PDZD2: variants seen among roughly 807,000 people sequenced by gnomAD.
PDZD2 encodes the protein PDZ domain-containing protein 2.
Under a neutral mutation model 220.7 loss-of-function variants are expected in PDZD2, and 90 were observed. The observed-to-expected ratio is 0.41, with a 90% CI of 0.34 to 0.49. PDZD2 has a LOEUF of 0.49. Among genes scored for constraint, PDZD2 ranks in the 20% least tolerant of loss-of-function variants. The pLI, the probability that PDZD2 is intolerant of heterozygous loss-of-function variation, is 0.28. For missense variants in PDZD2, 3,174 were observed against 3,608.5 expected, an observed-to-expected ratio of 0.88 and a Z score of 3.08; for synonymous variants, 1,375 against 1,450.5, an observed-to-expected ratio of 0.95 and a Z score of 1.18.
At chr5:31,857,147 A>G (rs994796164) in intron 2 of PDZD2, among the ~76,000 whole-genome samples, 1 of 152,020 alleles carries the variant, frequency 6.6e-6, no homozygotes, top group East Asian at 1.9e-4. Flanking sequence ...CACCACACTC[A>G]GCCTCAACTT....
intron 2 of PDZD2, among the ~76,000 whole-genome samples, chr5:31,859,632 G>A (rs1353761233): frequency 1.3e-5 from 2 of 151,998 alleles, no homozygotes; most frequent in African/African-American, 4.8e-5. Flanking sequence ...TCCTCTGATT[G>A]CTAGTTTTTT....
intron 1 of PDZD2, among the ~76,000 whole-genome samples, chr5:31,760,477 A>C (rs547397298): frequency 7.2e-5 from 11 of 152,278 alleles, no homozygotes; most frequent in Non-Finnish European, 1.3e-4. Context: ...TCTTTGGGAG[A>C]AAGTGGGATT....
At chr5:31,921,234 G>A (rs1415095394) in intron 2 of PDZD2, among the ~76,000 whole-genome samples, 1 of 152,140 alleles carries the variant, frequency 6.6e-6, no homozygotes, top group Non-Finnish European at 1.5e-5. Flanking sequence ...ATTTGGTTGG[G>A]AATTTGAATC....
chr5:31,863,769 A>G (rs143316322), intron 2 of PDZD2, among the ~76,000 whole-genome samples: 3,482 of 152,322 alleles, frequency 0.023, 55 homozygotes, highest in South Asian at 0.047. Flanking sequence ...AAGTTTACAC[A>G]TAAAGAAATT....
Position 32,074,156 on chromosome 5 carries a change from A to T in PDZD2, c.3050A>T (p.Gln1017Leu). ...TCCAAGGGCATGGACGTCCACAACC[A>T]AGAGGAACGACCCCGGAAAACACTG... ...SSSKGMDVHN[Q>L]EERPRKTLVS... The change falls in exon 18 of 25, where the codon CAA becomes CTA. Residue 1017 changes from glutamine (Q) to leucine (L), a missense_variant. Gln to Leu is a moderately radical substitution (Grantham distance 113). This residue lies in a region of PDZD2 where 1,861 missense variants were observed against 2,001.0 expected (regional missense o/e 0.93). Coordinates refer to ENST00000438447, the MANE Select transcript of PDZD2 (RefSeq NM_178140.4). 1 of 1,614,164 alleles carries T rather than the reference A, an allele frequency of 6.2e-7. No homozygotes were observed. Among genetic ancestry groups the T allele is most frequent in the African/African-American group, 1.3e-5 (1 of 75,046 alleles).
At chr5:31,865,876 C>T (rs1738184335) in intron 2 of PDZD2, among the ~76,000 whole-genome samples, 1 of 151,506 alleles carries the variant, frequency 6.6e-6, no homozygotes. Context: ...CGTGATCTGC[C>T]CGCCTCGCCC....
At chr5:32,096,106 T>C (rs1561587227) in intron 21 of PDZD2, among the ~76,000 whole-genome samples, 1 of 152,054 alleles carries the variant, frequency 6.6e-6, no homozygotes, top group Non-Finnish European at 1.5e-5. Flanking sequence ...ATCTGAGAAG[T>C]GTTCCTATTT....
chr5:32,061,372 C>T (rs1476371610), intron 14 of PDZD2, among the ~76,000 whole-genome samples: 3 of 152,168 alleles, frequency 2.0e-5, no homozygotes, highest in African/African-American at 7.2e-5. Context: ...GGTAAGAATG[C>T]TGTGTTCTGA....
chr5:31,652,575 A>C (rs1434375298), intron 1 of PDZD2, among the ~76,000 whole-genome samples: 1 of 152,218 alleles, frequency 6.6e-6, no homozygotes. Context: ...AGCACATGCC[A>C]CATAGAGAAA....
intron 7 of PDZD2, 27 bp downstream of exon 7, chr5:32,037,369 C>T (rs1047991480): frequency 1.6e-6 from 2 of 1,283,242 alleles, no homozygotes; most frequent in Non-Finnish European, 1.1e-6. Flanking sequence ...CCTGATGCAG[C>T]CTGTCTAGGA....
At chr5:32,101,065 A>C in intron 23 of PDZD2, 40 bp from the exon 24 acceptor site, 1 of 1,613,318 alleles carries the variant, frequency 6.2e-7, no homozygotes, top group Non-Finnish European at 8.5e-7. Flanking sequence ...CATGATGAAC[A>C]ACCCTGTCAT....
intron 2 of PDZD2, among the ~76,000 whole-genome samples, chr5:31,867,372 T>C (rs1435991965): frequency 6.6e-6 from 1 of 152,158 alleles, no homozygotes; most frequent in Admixed American, 6.5e-5. Flanking sequence ...TATGTGGGTA[T>C]ATGAGGTGCT....
At chr5:31,780,581 A>G (rs984622614) in intron 1 of PDZD2, among the ~76,000 whole-genome samples, 7 of 152,198 alleles carry the variant, frequency 4.6e-5, no homozygotes, top group African/African-American at 1.7e-4. Context: ...AGACAGGTAG[A>G]TCCACTTTTA....
At chr5:31,733,409 C>A (rs1038513586) in intron 1 of PDZD2, among the ~76,000 whole-genome samples, 3 of 152,202 alleles carry the variant, frequency 2.0e-5, no homozygotes, top group Non-Finnish European at 4.4e-5. Context: ...TTCCCCCGTT[C>A]TCTTGCTTTG....
chr5:31,869,621 A>G (rs1436110238), intron 2 of PDZD2, among the ~76,000 whole-genome samples: 1 of 152,214 alleles, frequency 6.6e-6, no homozygotes, highest in Non-Finnish European at 1.5e-5. Context: ...AGCACCTTTT[A>G]TAGCTTGGAA....
At position 31,845,611 on chromosome 5, in the gene PDZD2, T is replaced by G. The variant is rs373567641; in HGVS notation, c.476+45887T>G. ...GTTTGTGCAGAGAAGTGGCAGGAAG[T>G]AAGATCCGGACAGATAGCATTGGGT... is the stretch of plus-strand genomic sequence containing the variant. On this transcript the variant is annotated intron_variant, in intron 2 of 24. Transcript: ENST00000438447. 5.9e-5 allele frequency among the ~76,000 whole-genome samples: 9 copies of G among 152,304 alleles called. No individual in the cohort carries two copies. In the East Asian group the frequency reaches 1.5e-3, roughly 26 times the overall value.
chr5:31,656,488 A>T lies in PDZD2; in HGVS notation c.-361+17051A>T, dbSNP rs558832407. Among the ~76,000 whole-genome samples, 3 of 152,236 alleles carry T rather than the reference A, an allele frequency of 2.0e-5. No individual in the cohort carries two copies. The South Asian group carries it at 6.2e-4, about 32-fold the overall frequency. On this transcript the variant is annotated intron_variant, in intron 1 of 24. Transcript: ENST00000438447. ...TTCACCTCTCTGTGTCCCCAGCAGCAGTCAGTAAAGGGATGTTGATGGATT... is the reference window on the plus strand; with the variant it reads ...TTCACCTCTCTGTGTCCCCAGCAGCTGTCAGTAAAGGGATGTTGATGGATT...
intron 14 of PDZD2, among the ~76,000 whole-genome samples, chr5:32,065,097 C>G (rs559891931): frequency 9.9e-5 from 15 of 150,986 alleles, no homozygotes; most frequent in African/African-American, 3.6e-4. Flanking sequence ...GTCAGGAGTT[C>G]GAGACCAGCC....
chr5:31,849,935 CATAT>C lies in PDZD2; in HGVS notation c.476+50221_476+50224del, dbSNP rs1244381437. On this transcript the variant is annotated intron_variant, in intron 2 of 24. Coordinates refer to ENST00000438447, the MANE Select transcript of PDZD2 (RefSeq NM_178140.4). ...ATATATATACATATATATATATACA[CATAT>C]ATATATATACATATATATATATACA... is the stretch of plus-strand genomic sequence containing the variant. Among the ~76,000 whole-genome samples the C allele has an allele frequency of 3.1e-4, 6 of 19,192 alleles. 1 individual carries two copies. The highest frequency in any genetic ancestry group is 2.6e-4 in the Non-Finnish European group (3 of 11,610). 12.6% of individuals were successfully genotyped at this position (19,192 alleles called of 152,430 possible). A position where few individuals can be genotyped will look rare whatever the true frequency, so the allele number is the denominator to read the frequency against.
Sources: gnomAD v4.1 joint callset for allele counts (sites outside exome capture counted in the v4.1 genomes callset) on GRCh38, gnomAD v4.1.1 for gene constraint, gnomAD v4.1.1 regional missense constraint, MANE v1.5 for transcripts, NCBI Gene and HGNC (gene_info 2026-07-23, HGNC 2026-07-21) for gene names.